Variants in SLC25A26 observed in about 807,000 individuals in gnomAD.
SLC25A26 encodes mitochondrial S-adenosylmethionine carrier protein.
A neutral mutation model predicts 37.8 loss-of-function variants in SLC25A26; 36 were observed. That is an observed-to-expected ratio of 0.95 (90% CI 0.73 to 1.26). The LOEUF (loss-of-function observed/expected upper bound fraction) is 1.26, where lower values mean the gene tolerates loss of function less well. SLC25A26 is among the 50% of genes most tolerant of loss of function. The probability of loss-of-function intolerance (pLI) is 0.00; values close to 1 mark genes in which losing one functional copy is unlikely to be tolerated. For synonymous variants in SLC25A26, 129 were observed against 122.5 expected, an observed-to-expected ratio of 1.05 and a Z score of -0.35; for missense variants, 390 against 331.1, an observed-to-expected ratio of 1.18 and a Z score of -1.38.
At chr3:66,180,377 A>G (rs1476979353) in intron 1 of SLC25A26, among the ~76,000 whole-genome samples, 1 of 152,200 alleles carries the variant, frequency 6.6e-6, no homozygotes, top group Non-Finnish European at 1.5e-5. Flanking sequence ...GGAGAAGCCA[A>G]TGCAGGGGCA....
chr3:66,327,075 G>A (rs2075856616), intron 5 of SLC25A26, among the ~76,000 whole-genome samples: 1 of 152,186 alleles, frequency 6.6e-6, no homozygotes, highest in Non-Finnish European at 1.5e-5. Flanking sequence ...CCCTAAAATA[G>A]AATGACTTCT....
Position 66,213,137 on chromosome 3 carries a change from C to T in SLC25A26, c.-353-7605C>T, listed in dbSNP as rs897005803. Among the ~76,000 whole-genome samples, 9 of 152,098 alleles carry T rather than the reference C, an allele frequency of 5.9e-5. No homozygotes were observed. The East Asian group carries it at 9.6e-4, about 16-fold the overall frequency. On this transcript the variant is annotated intron_variant, in intron 1 of 10. Coordinates refer to the SLC25A26 transcript ENST00000676754. ...GGCGCAGCCCAGGCGCGGTGGCTCA[C>T]GCCTGTAATCCCAGCACTTTGGGAG...
chr3:66,272,823 C>G (rs957358344), intron 5 of SLC25A26, among the ~76,000 whole-genome samples: 33 of 152,162 alleles, frequency 2.2e-4, no homozygotes, highest in African/African-American at 8.0e-4. Context: ...GAACTTCCAA[C>G]ACTGTGTTGA....
Position 66,213,316 on chromosome 3 carries a change from C to T in SLC25A26, c.-353-7426C>T, listed in dbSNP as rs917600401. Among the ~76,000 whole-genome samples the T allele has an allele frequency of 3.8e-3, 558 of 145,744 alleles. 4 individuals are homozygous for T. The highest frequency in any genetic ancestry group is 0.014 in the African/African-American group (537 of 39,050). On this transcript the variant is annotated intron_variant, in intron 1 of 10. Coordinates refer to the SLC25A26 transcript ENST00000676754. ...TAGGGAGGCTGAGGCAGGAGAATCACTTGCACCCAGAAGGTGGAGGTGGCA... is the reference window on the plus strand; with the variant it reads ...TAGGGAGGCTGAGGCAGGAGAATCATTTGCACCCAGAAGGTGGAGGTGGCA...
At chr3:66,138,282 A>G (rs998703820) in intron 1 of SLC25A26, among the ~76,000 whole-genome samples, 9 of 152,196 alleles carry the variant, frequency 5.9e-5, no homozygotes, top group African/African-American at 1.7e-4. Context: ...CATCTGAAGT[A>G]TGGAAATATG....
At position 66,236,914 on chromosome 3, in the gene SLC25A26, G is replaced by A; in HGVS notation, c.190+214G>A. ...TGCAGTGGTGAGATAATAGCTAACT[G>A]CAACCTTGACCTCCTGGGCTCAAGA... On this transcript the variant is annotated intron_variant, in intron 2 of 9. Coordinates refer to ENST00000354883, the MANE Select transcript of SLC25A26 (RefSeq NM_001379210.1). 1.3e-5 allele frequency among the ~76,000 whole-genome samples: 2 copies of A among 152,270 alleles called. 1 individual carries two copies. Among genetic ancestry groups the A allele is most frequent in the South Asian group, 4.1e-4 (2 of 4,822 alleles).
At chr3:66,291,488 A>G (rs956468345) in intron 5 of SLC25A26, among the ~76,000 whole-genome samples, 6 of 152,104 alleles carry the variant, frequency 3.9e-5, no homozygotes, top group Non-Finnish European at 7.4e-5. Flanking sequence ...TGTCCCAGAG[A>G]TTCCGGTACG....
At chr3:66,196,858 A>G (rs2071051184) in intron 1 of SLC25A26, among the ~76,000 whole-genome samples, 1 of 152,148 alleles carries the variant, frequency 6.6e-6, no homozygotes, top group Admixed American at 6.5e-5. Context: ...GAAAGTTAAA[A>G]ACCATCTGGG....
At chr3:66,278,847 T>A (rs143879003) in intron 5 of SLC25A26, among the ~76,000 whole-genome samples, 1 of 152,196 alleles carries the variant, frequency 6.6e-6, no homozygotes, top group Admixed American at 6.5e-5. Context: ...GTCAAGAGGG[T>A]TGACAATTTC....
chr3:66,343,200 C>T (rs555266739), intron 5 of SLC25A26, among the ~76,000 whole-genome samples: 307 of 152,298 alleles, frequency 2.0e-3, no homozygotes, highest in African/African-American at 7.0e-3. Flanking sequence ...AGCTATGGAG[C>T]TGTATTTGCT....
At chr3:66,248,823 TC>T (rs966491586) in intron 3 of SLC25A26, among the ~76,000 whole-genome samples, 15 of 152,160 alleles carry the variant, frequency 9.9e-5, no homozygotes, top group African/African-American at 3.6e-4. Flanking sequence ...GATGAGCATC[TC>T]CCCATACTTC....
chr3:66,346,265 G>T, intron 5 of SLC25A26, 99 bp from the exon 6 acceptor site: 2 of 581,252 alleles, frequency 3.4e-6, no homozygotes, highest in East Asian at 3.1e-5. Flanking sequence ...TATTAGCTTT[G>T]TTATAAAGTT....
chr3:66,224,399 C>T (rs906443125), intron 1 of SLC25A26, among the ~76,000 whole-genome samples: 9 of 152,168 alleles, frequency 5.9e-5, no homozygotes, highest in Admixed American at 1.3e-4. Flanking sequence ...GACAAGAGAG[C>T]ATGTGCTGCA....
At chr3:66,188,935 T>C (rs1341930803) in intron 1 of SLC25A26, among the ~76,000 whole-genome samples, 1 of 152,136 alleles carries the variant, frequency 6.6e-6, no homozygotes, top group Non-Finnish European at 1.5e-5. Context: ...TTGTGATGCC[T>C]GATCCTTACA....
intron 7 of SLC25A26, among the ~76,000 whole-genome samples, chr3:66,368,687 A>G (rs981413209): frequency 2.6e-5 from 4 of 152,164 alleles, no homozygotes; most frequent in African/African-American, 7.2e-5. Flanking sequence ...TATATGCAAA[A>G]CAGAAATGAT....
At chr3:66,159,531 A>G (rs1189786892) in intron 1 of SLC25A26, among the ~76,000 whole-genome samples, 1 of 152,192 alleles carries the variant, frequency 6.6e-6, no homozygotes, top group Non-Finnish European at 1.5e-5. Context: ...TGATGAACCA[A>G]TAAAGCATGT....
chr3:66,365,592 A>T (rs1021816569), intron 7 of SLC25A26, among the ~76,000 whole-genome samples: 1 of 152,184 alleles, frequency 6.6e-6, no homozygotes, highest in Non-Finnish European at 1.5e-5. Flanking sequence ...ACCTCTGTAC[A>T]TTCTCTAGGA....
intron 5 of SLC25A26, among the ~76,000 whole-genome samples, chr3:66,265,155 A>C (rs1352337729): frequency 2.0e-5 from 3 of 151,942 alleles, no homozygotes; most frequent in African/African-American, 7.3e-5. Context: ...TCTATAACAT[A>C]CGAAAACTAG....
chr3:66,280,917 C>G (rs1203590853), intron 5 of SLC25A26, among the ~76,000 whole-genome samples: 1 of 152,116 alleles, frequency 6.6e-6, no homozygotes, highest in Non-Finnish European at 1.5e-5. Context: ...CATTATCACA[C>G]CCAAGAAATT....
Sources: gnomAD v4.1 joint callset for allele counts (sites outside exome capture counted in the v4.1 genomes callset) on GRCh38, gnomAD v4.1.1 for gene constraint, MANE v1.5 for transcripts, NCBI Gene and HGNC (gene_info 2026-07-23, HGNC 2026-07-21) for gene names.